Variants in RSPH1 observed in about 807,000 individuals in gnomAD.
The protein encoded by RSPH1 is radial spoke head 1 homolog.
In RSPH1, 32 loss-of-function variants were observed where a neutral mutation model predicts 44.2. The ratio of observed to expected loss-of-function variants is 0.72; its 90% CI spans 0.55 to 0.97. The LOEUF is 0.97. Ranked by LOEUF, RSPH1 falls within the 50% of genes least tolerant of loss-of-function variation. The pLI, the probability that RSPH1 is intolerant of heterozygous loss-of-function variation, is 0.00. For missense variants in RSPH1, 391 were observed against 398.7 expected, an observed-to-expected ratio of 0.98 and a Z score of 0.16; for synonymous variants, 134 against 147.3, an observed-to-expected ratio of 0.91 and a Z score of 0.65.
rs1318094237 is a variant in RSPH1 at position 42,486,352 on chromosome 21, C to A, written c.365+19G>T. On this transcript the variant is annotated intron_variant, in intron 4 of 8. Transcript: ENST00000291536. ...ATTACATAAGCAAATCCCGTTAAGA[C>A]CCAAGATAGAAACCGAACCTTTGAT... The A allele has an allele frequency of 2.6e-6, 4 of 1,560,600 alleles. No individual in the cohort carries two copies. The South Asian group carries it at 3.3e-5, about 13-fold the overall frequency.
intron 6 of RSPH1, among the ~76,000 whole-genome samples, chr21:42,479,303 C>T (rs796094741): frequency 2.6e-4 from 40 of 152,246 alleles, no homozygotes; most frequent in African/African-American, 9.4e-4. Flanking sequence ...TTCCACAAAG[C>T]CCTCAGGTTG....
rs1413955099 is a variant in RSPH1 at position 42,496,180 on chromosome 21, C to G, written c.7G>C (p.Asp3His). ...TCCTCCAACTCCTCCGAGCCCAGGT[C>G]CGACATGGTCTCGCCCCAGCCTGGA... MS[D>H]LGSEELEEEG... The change falls in exon 1 of 9, where the codon GAC becomes CAC. Residue 3 changes from aspartate (D) to histidine (H), a missense_variant. Asp to His is a moderately conservative substitution (Grantham distance 81). Transcript: ENST00000291536. 1 of 1,614,216 alleles carries G rather than the reference C, an allele frequency of 6.2e-7. No individual in the cohort carries two copies. Among genetic ancestry groups the G allele is most frequent in the Non-Finnish European group, 8.5e-7 (1 of 1,180,034 alleles).
chr21:42,473,212 C>T (rs905350587), intron 8 of RSPH1, among the ~76,000 whole-genome samples: 11 of 152,272 alleles, frequency 7.2e-5, no homozygotes, highest in Non-Finnish European at 1.2e-4. Flanking sequence ...AAAAGCAGGC[C>T]GGGCGCAGTG....
At chr21:42,481,896 A>T (rs1444348052) in intron 6 of RSPH1, among the ~76,000 whole-genome samples, 1 of 152,208 alleles carries the variant, frequency 6.6e-6, no homozygotes, top group East Asian at 1.9e-4. Flanking sequence ...TTAATGTTAG[A>T]TATTGGAAAG....
At chr21:42,494,303 A>C (rs2054265098) in intron 1 of RSPH1, among the ~76,000 whole-genome samples, 1 of 152,220 alleles carries the variant, frequency 6.6e-6, no homozygotes, top group Non-Finnish European at 1.5e-5. Context: ...ATATAGACTT[A>C]TTATAACACA....
At chr21:42,493,308 C>G (rs2054255503) in intron 1 of RSPH1, among the ~76,000 whole-genome samples, 1 of 152,222 alleles carries the variant, frequency 6.6e-6, no homozygotes, top group African/African-American at 2.4e-5. Flanking sequence ...GGGCGGAAGC[C>G]TCGTTCCCTC....
intron 6 of RSPH1, among the ~76,000 whole-genome samples, chr21:42,479,935 T>C (rs1362851685): frequency 2.0e-5 from 3 of 152,154 alleles, no homozygotes; most frequent in African/African-American, 7.2e-5. Flanking sequence ...ATCAAGCATT[T>C]TGGCCATTTC....
chr21:42,488,604 A>C (rs1467367423), intron 3 of RSPH1, among the ~76,000 whole-genome samples: 2 of 152,198 alleles, frequency 1.3e-5, no homozygotes, highest in Non-Finnish European at 2.9e-5. Flanking sequence ...AAATTTCAAA[A>C]ATAAAAGAGA....
intron 1 of RSPH1, among the ~76,000 whole-genome samples, chr21:42,495,077 G>A (rs1478404642): frequency 6.6e-6 from 1 of 152,222 alleles, no homozygotes; most frequent in Non-Finnish European, 1.5e-5. Flanking sequence ...GGCAGCTAAG[G>A]AAGGATGCCT....
chr21:42,473,648 T>G (rs2054015571), intron 8 of RSPH1, among the ~76,000 whole-genome samples: 1 of 152,186 alleles, frequency 6.6e-6, no homozygotes, highest in East Asian at 1.9e-4. Flanking sequence ...AAATCTCCAA[T>G]GTAATGTGGG....
chr21:42,486,804 C>T (rs1332598749), intron 3 of RSPH1, among the ~76,000 whole-genome samples: 5 of 152,186 alleles, frequency 3.3e-5, no homozygotes, highest in Admixed American at 3.3e-4. Context: ...CAGCCACCTG[C>T]ATGTACTGAC....
Position 42,486,822 on chromosome 21 carries a change from T to G in RSPH1, c.275-361A>C, listed in dbSNP as rs116386470. On this transcript the variant is annotated intron_variant, in intron 3 of 8. Coordinates refer to ENST00000291536, the MANE Select transcript of RSPH1 (RefSeq NM_080860.4). ...CCACCTGCATGTACTGACAAGCACA[T>G]TTCACAGGTTAGTCAGAGGCACCAC... Among the ~76,000 whole-genome samples the G allele has an allele frequency of 7.5e-3, 1,145 of 152,270 alleles. 15 individuals are homozygous for G. The highest frequency in any genetic ancestry group is 0.026 in the African/African-American group (1,083 of 41,540).
At chr21:42,478,355 G>A (rs2146646149) in intron 6 of RSPH1, among the ~76,000 whole-genome samples, 2 of 152,368 alleles carry the variant, frequency 1.3e-5, no homozygotes, top group South Asian at 4.1e-4. Context: ...GGCCACCCAT[G>A]AAGGGTGACA....
At chr21:42,481,347 T>C (rs1272179271) in intron 6 of RSPH1, among the ~76,000 whole-genome samples, 1 of 152,152 alleles carries the variant, frequency 6.6e-6, no homozygotes, top group African/African-American at 2.4e-5. Flanking sequence ...GCCATGCTTC[T>C]TGTACAGCCT....
At chr21:42,482,998 A>G (rs1325367811) in intron 5 of RSPH1, among the ~76,000 whole-genome samples, 1 of 152,232 alleles carries the variant, frequency 6.6e-6, no homozygotes, top group Non-Finnish European at 1.5e-5. Flanking sequence ...CGATGGAACT[A>G]CTACTAATAT....
chr21:42,490,859 A>G (rs1391530602), intron 3 of RSPH1, among the ~76,000 whole-genome samples: 1 of 268 alleles, frequency 3.7e-3, no homozygotes, highest in Non-Finnish European at 8.6e-3. Context: ...CCACCCACCA[A>G]CTTTTGGTAA....
intron 5 of RSPH1, among the ~76,000 whole-genome samples, chr21:42,483,047 G>A (rs888229361): frequency 3.9e-5 from 6 of 152,060 alleles, no homozygotes; most frequent in Non-Finnish European, 7.4e-5. Context: ...TAGTATACAT[G>A]GTTAAATAAA....
chr21:42,493,144 T>C lies in RSPH1; in HGVS notation c.55-65A>G, dbSNP rs983757007. 14 of 1,324,078 alleles carry C rather than the reference T, an allele frequency of 1.1e-5. No homozygotes were observed. In the African/African-American group the frequency reaches 1.9e-4, roughly 18 times the overall value. 82.0% of individuals were successfully genotyped at this position (1,324,078 alleles called of 1,614,324 possible). A position where few individuals can be genotyped will look rare whatever the true frequency, so the allele number is the denominator to read the frequency against. ...TTAAGCGCTAACCAGGTGCTAAGCATTTTGTAAATATCATACCCTTGAGTC... is the reference window on the plus strand; with the variant it reads ...TTAAGCGCTAACCAGGTGCTAAGCACTTTGTAAATATCATACCCTTGAGTC... On this transcript the variant is annotated intron_variant, in intron 1 of 8. Coordinates refer to ENST00000291536, the MANE Select transcript of RSPH1 (RefSeq NM_080860.4).
chr21:42,476,672 A>C (rs1347375554), intron 7 of RSPH1, among the ~76,000 whole-genome samples: 5 of 151,824 alleles, frequency 3.3e-5, no homozygotes, highest in African/African-American at 1.2e-4. Context: ...GGTCACACCC[A>C]CATTCACTCA....
Sources: allele counts gnomAD v4.1 joint callset (sites outside exome capture counted in the v4.1 genomes callset), GRCh38; gene constraint gnomAD v4.1.1; transcripts MANE v1.5; gene names NCBI Gene and HGNC (gene_info 2026-07-23, HGNC 2026-07-21).